Variants in CSMD1 observed in about 807,000 individuals in gnomAD.
The protein encoded by CSMD1 is CUB and sushi domain-containing protein 1.
CSMD1 carries 213 observed loss-of-function variants against 417.5 expected under a neutral mutation model. The observed-to-expected ratio is 0.51, with a 90% CI of 0.46 to 0.57. The LOEUF is 0.57. Ranked by LOEUF, CSMD1 falls within the 20% of genes least tolerant of loss-of-function variation. CSMD1 has a pLI of 0.00. For synonymous variants in CSMD1, 2,862 were observed against 1,736.8 expected (o/e 1.65, Z -16.11); for missense variants, 6,923 against 4,529.7 (o/e 1.53, Z -15.17).
At chr8:4,207,615 G>A (rs920087282) in intron 3 of CSMD1, among the ~76,000 whole-genome samples, 1 of 152,014 alleles carries the variant, frequency 6.6e-6, no homozygotes, top group African/African-American at 2.4e-5. Flanking sequence ...AGTAAGACTG[G>A]CAACATTTTC....
intron 10 of CSMD1, among the ~76,000 whole-genome samples, chr8:3,503,757 C>T (rs1796704883): frequency 6.6e-6 from 1 of 152,170 alleles, no homozygotes; most frequent in African/African-American, 2.4e-5. Flanking sequence ...CCTGTCTCAG[C>T]CCACCTGTGG....
chr8:3,227,459 T>A (rs987389740), intron 27 of CSMD1, among the ~76,000 whole-genome samples: 1 of 152,172 alleles, frequency 6.6e-6, no homozygotes, highest in African/African-American at 2.4e-5. Flanking sequence ...TGTAGAAATA[T>A]GTCACTTATT....
chr8:3,782,497 T>A (rs573232546), intron 5 of CSMD1, among the ~76,000 whole-genome samples: 2 of 152,240 alleles, frequency 1.3e-5, no homozygotes, highest in East Asian at 1.9e-4. Context: ...AAGTGCTTTT[T>A]AAAAAGGAGG....
intron 1 of CSMD1, among the ~76,000 whole-genome samples, chr8:4,892,325 T>C (rs555692188): frequency 6.6e-6 from 1 of 152,060 alleles, no homozygotes; most frequent in Non-Finnish European, 1.5e-5. Context: ...GGTTGATACT[T>C]AGGTGACGAA....
chr8:3,997,565 A>C (rs1209699935), intron 5 of CSMD1, among the ~76,000 whole-genome samples: 2 of 152,190 alleles, frequency 1.3e-5, no homozygotes, highest in Non-Finnish European at 2.9e-5. Context: ...AAAATACACA[A>C]TCTAAAAATC....
At chr8:4,759,311 T>C (rs780937559) in intron 1 of CSMD1, among the ~76,000 whole-genome samples, 1 of 152,158 alleles carries the variant, frequency 6.6e-6, no homozygotes, top group Non-Finnish European at 1.5e-5. Flanking sequence ...CAAGAGGGCA[T>C]CTGGTCTGAA....
intron 7 of CSMD1, among the ~76,000 whole-genome samples, chr8:3,644,533 G>C (rs938835751): frequency 2.6e-5 from 4 of 152,140 alleles, no homozygotes; most frequent in African/African-American, 7.2e-5. Flanking sequence ...TGATGAAAGA[G>C]GGTGAGAAAG....
At chr8:4,149,269 T>C (rs954519650) in intron 3 of CSMD1, among the ~76,000 whole-genome samples, 3 of 152,128 alleles carry the variant, frequency 2.0e-5, no homozygotes, top group Non-Finnish European at 4.4e-5. Flanking sequence ...CAGCCCGTAA[T>C]TTTCATATTC....
intron 12 of CSMD1, among the ~76,000 whole-genome samples, chr8:3,423,348 T>G (rs144849848): frequency 0.016 from 2,456 of 152,328 alleles, 55 homozygotes; most frequent in African/African-American, 0.052. Flanking sequence ...CCCTTTCCCT[T>G]GCTCCTGGCA....
chr8:3,635,566 C>A (rs1439347879), intron 7 of CSMD1, among the ~76,000 whole-genome samples: 4 of 149,398 alleles, frequency 2.7e-5, no homozygotes, highest in African/African-American at 9.9e-5. Flanking sequence ...TCACTGCAAG[C>A]TACACATCCC....
At chr8:3,525,238 A>C (rs945459147) in intron 10 of CSMD1, among the ~76,000 whole-genome samples, 2 of 152,154 alleles carry the variant, frequency 1.3e-5, no homozygotes, top group African/African-American at 4.8e-5. Context: ...GGGAGATAGC[A>C]TCCCTGGAAC....
chr8:3,790,336 G>A (rs1023668375), intron 5 of CSMD1, among the ~76,000 whole-genome samples: 1 of 152,002 alleles, frequency 6.6e-6, no homozygotes, highest in Non-Finnish European at 1.5e-5. Flanking sequence ...TATAATGATG[G>A]TGATGGTGAT....
At chr8:3,271,416 T>C (rs1166108867) in intron 26 of CSMD1, among the ~76,000 whole-genome samples, 1 of 151,936 alleles carries the variant, frequency 6.6e-6, no homozygotes, top group African/African-American at 2.4e-5. Flanking sequence ...TATAGCAGCA[T>C]GATTTATATT....
intron 2 of CSMD1, among the ~76,000 whole-genome samples, chr8:4,488,034 T>A (rs1266921154): frequency 6.6e-6 from 1 of 152,108 alleles, no homozygotes; most frequent in East Asian, 1.9e-4. Context: ...GGTGAGTAGG[T>A]CATGAGGATG....
chr8:4,242,523 A>G (rs1563325260), intron 3 of CSMD1, among the ~76,000 whole-genome samples: 1 of 152,264 alleles, frequency 6.6e-6, no homozygotes, highest in African/African-American at 2.4e-5. Flanking sequence ...TATCTTAAAA[A>G]TGTTCTTAAC....
intron 5 of CSMD1, among the ~76,000 whole-genome samples, chr8:3,812,808 C>T (rs1801157138): frequency 6.6e-6 from 1 of 152,094 alleles, no homozygotes; most frequent in Admixed American, 6.6e-5. Flanking sequence ...ACTGTCTTTC[C>T]TTTGAGGTTG....
At chr8:4,980,893 G>T (rs1390634553) in intron 1 of CSMD1, among the ~76,000 whole-genome samples, 1 of 150,020 alleles carries the variant, frequency 6.7e-6, no homozygotes, top group African/African-American at 2.5e-5. Flanking sequence ...GACAAAGTGA[G>T]ACTGTCTCGA....
intron 4 of CSMD1, among the ~76,000 whole-genome samples, chr8:4,023,454 G>A (rs376462025): frequency 6.6e-6 from 1 of 152,108 alleles, no homozygotes; most frequent in African/African-American, 2.4e-5. Flanking sequence ...CTAGACTCTG[G>A]GTTGAGTAGC....
In CSMD1 at chr8:3,289,240, G is replaced by C. The variant is rs1372286279; in HGVS notation, c.3951-4894C>G. On this transcript the variant is annotated intron_variant, in intron 25 of 69. Transcript: ENST00000635120. ...CCAGTCTATCGTTGTTGGACATTTAGGTTGGTTCCACGTCTTTGCTATTGT... is the reference window on the plus strand; with the variant it reads ...CCAGTCTATCGTTGTTGGACATTTACGTTGGTTCCACGTCTTTGCTATTGT... Among the ~76,000 whole-genome samples the C allele has an allele frequency of 2.0e-5, 3 of 147,254 alleles. 1 individual carries two copies. Among genetic ancestry groups the C allele is most frequent in the African/African-American group, 8.1e-5 (3 of 36,986 alleles).
Sources: allele counts gnomAD v4.1 joint callset (sites outside exome capture counted in the v4.1 genomes callset), GRCh38; gene constraint gnomAD v4.1.1; transcripts MANE v1.5; gene names NCBI Gene and HGNC (gene_info 2026-07-23, HGNC 2026-07-21).